C1QL1: variants seen among roughly 807,000 people sequenced by gnomAD.
C1QL1 encodes the protein C1q-related factor.
Under a neutral mutation model 14.2 loss-of-function variants are expected in C1QL1, and 15 were observed. That is an observed-to-expected ratio of 1.06 (90% CI 0.71 to 1.62). The LOEUF is 1.62. C1QL1 is among the 40% of genes most tolerant of loss of function. C1QL1 has a pLI of 0.00. For missense variants in C1QL1, 346 were observed against 380.3 expected (o/e 0.91, Z 0.75); for synonymous variants, 172 against 172.4 (o/e 1.00, Z 0.02).
In C1QL1 at chr17:44,960,417, A is replaced by G. The variant is rs760816655; in HGVS notation, c.598-50T>C. ...AGGGCGAGAGGAGAGAGAGGATGAG[A>G]AGGGAGGGAGGTGAGGCAGTCCCGT... On this transcript the variant is annotated intron_variant, in intron 1 of 1. Transcript: ENST00000253407. 2.1e-6 allele frequency: 3 copies of G among 1,414,544 alleles called. No homozygotes were observed. The Admixed American group carries it at 5.1e-5, about 24-fold the overall frequency. The allele number at this position is 1,414,544 out of a possible 1,614,324, so 87.6% of individuals were successfully genotyped here. A position where few individuals can be genotyped will look rare whatever the true frequency, so the allele number is the denominator to read the frequency against.
rs1363667731 is a variant in C1QL1 at position 44,967,429 on chromosome 17, C to G, written c.597+23G>C. ...CCTGGGTGCCCTGGGCCCAGCCCAG[C>G]CCCATGCCCCCGCCTGGCCCACCTG... On this transcript the variant is annotated intron_variant, in intron 1 of 1. Coordinates refer to ENST00000253407, the MANE Select transcript of C1QL1 (RefSeq NM_006688.5). This position sits in a 1 kb window ranked among gnomAD's most constrained non-coding sequence, Gnocchi z 7.0. 1.7e-5 allele frequency: 28 copies of G among 1,608,594 alleles called. No individual in the cohort carries two copies. Among genetic ancestry groups the G allele is most frequent in the Non-Finnish European group, 2.4e-5 (28 of 1,177,490 alleles).
Position 44,967,512 on chromosome 17 carries a change from A to G in C1QL1, c.537T>C (p.His179=), listed in dbSNP as rs910874119. The change falls in exon 1 of 2, where the codon CAT becomes CAC. Residue 179 remains histidine, a synonymous_variant. Transcript: ENST00000253407. The surrounding 1 kb of genome is among the most constrained non-coding windows in gnomAD (Gnocchi z 7.0). ...TGCCGTCGCCGCCGCGCATGAGGAC[A>G]TGGTAGGTGAAAAAGTAGGTGCCGG... ...NIPGTYFFTY[H]VLMRGGDGTS... is the part of the protein sequence containing the mutation. 7 of 1,613,816 alleles carry G rather than the reference A, an allele frequency of 4.3e-6. No individual in the cohort carries two copies. Among genetic ancestry groups the G allele is most frequent in the Non-Finnish European group, 5.9e-6 (7 of 1,179,816 alleles).
Position 44,967,135 on chromosome 17 carries a change from G to A in C1QL1, c.597+317C>T, listed in dbSNP as rs2052661173. Among the ~76,000 whole-genome samples the A allele has an allele frequency of 6.6e-6, 1 of 152,252 alleles. No individual in the cohort carries two copies. The highest frequency in any genetic ancestry group is 1.5e-5 in the Non-Finnish European group (1 of 68,040). The stretch of plus-strand genomic sequence containing the variant: ...TCGGCCCGAATCCACTTCCCAAGGG[G>A]CAAGCCCCCAAGGGCAAGTCCGTGC... On this transcript the variant is annotated intron_variant, in intron 1 of 1. Coordinates refer to ENST00000253407, the MANE Select transcript of C1QL1 (RefSeq NM_006688.5). The surrounding 1 kb of genome is among the most constrained non-coding windows in gnomAD (Gnocchi z 7.0).
intron 1 of C1QL1, among the ~76,000 whole-genome samples, chr17:44,966,272 C>G (rs80350164): frequency 0.014 from 2,111 of 152,350 alleles, 61 homozygotes; most frequent in Non-Finnish European, 0.015. Context: ...CCTGCCTGCC[C>G]CTGTCTCTGC....
chr17:44,967,730 G>T lies in C1QL1; in HGVS notation c.319C>A (p.Pro107Thr). Residue 107 changes from proline to threonine, a missense_variant, in exon 1 of 2, where the codon CCT (proline) becomes ACT (threonine). Physicochemically the swap from Pro to Thr is conservative, Grantham distance 38 (BLOSUM62 -1). Coordinates refer to ENST00000253407, the MANE Select transcript of C1QL1 (RefSeq NM_006688.5). This position sits in a 1 kb window ranked among gnomAD's most constrained non-coding sequence, Gnocchi z 7.0. ...GEKGEPGKPG[P>T]PGLPGAGGSG... ...CCCCCCGCGCCCGGCAGCCCCGGAG[G>T]GCCCGGCTTGCCTGGCTCACCCTTC... is the stretch of plus-strand genomic sequence containing the variant. The T allele has an allele frequency of 6.2e-7, 1 of 1,603,968 alleles. No individual in the cohort carries two copies.
At chr17:44,960,495 G>T (rs1382816066) in intron 1 of C1QL1, 128 bp from the exon 2 acceptor site, 6 of 652,616 alleles carry the variant, frequency 9.2e-6, no homozygotes. Flanking sequence ...CCTCATCCCT[G>T]CCACGCTCCC....
intron 1 of C1QL1, among the ~76,000 whole-genome samples, chr17:44,961,973 C>T (rs139373562): frequency 2.8e-3 from 429 of 151,098 alleles, no homozygotes; most frequent in Middle Eastern, 6.8e-3. Context: ...AGACATTCAG[C>T]TAACAGGTAT....
At position 44,960,062 on chromosome 17, in the gene C1QL1, G is replaced by T. The variant is rs1026709761; in HGVS notation, c.*126C>A. ...GTGGCCCAGGCGGTGTTGAGCACGG[G>T]CCGGGGGCGTCATAGCCGGGGAGGG... is the stretch of plus-strand genomic sequence containing the variant. On this transcript the variant is annotated 3_prime_UTR_variant, in exon 2 of 2. Coordinates refer to ENST00000253407, the MANE Select transcript of C1QL1 (RefSeq NM_006688.5). The T allele has an allele frequency of 9.4e-6, 8 of 852,610 alleles. No individual in the cohort carries two copies. The African/African-American group carries it at 1.2e-4, about 12-fold the overall frequency. 52.8% of individuals were successfully genotyped at this position (852,610 alleles called of 1,614,324 possible). A position where few individuals can be genotyped will look rare whatever the true frequency, so the allele number is the denominator to read the frequency against.
At chr17:44,964,392 C>T (rs2052645118) in intron 1 of C1QL1, among the ~76,000 whole-genome samples, 1 of 152,192 alleles carries the variant, frequency 6.6e-6, no homozygotes, top group South Asian at 2.1e-4. Flanking sequence ...AGCTGGCTTT[C>T]CCCTACACTT....
At position 44,967,453 on chromosome 17, in the gene C1QL1, T is replaced by C. The variant is rs2052662919; in HGVS notation, c.596A>G (p.Gln199Arg). ...SMWADLCKNG[Q>R]VRASAIAQDA... The stretch of plus-strand genomic sequence containing the variant: ...GCCCCATGCCCCCGCCTGGCCCACC[T>C]GGCCATTCTTGCAGAGGTCTGCCCA... Residue 199 changes from glutamine to arginine, a missense_variant and splice_region_variant, in exon 1 of 2, where the codon CAG becomes CGG. Physicochemically the swap from Gln to Arg is conservative, Grantham distance 43. Coordinates refer to ENST00000253407, the MANE Select transcript of C1QL1 (RefSeq NM_006688.5). The surrounding 1 kb of genome is among the most constrained non-coding windows in gnomAD (Gnocchi z 7.0). 6.2e-7 allele frequency: 1 copy of C among 1,613,150 alleles called. No individual in the cohort carries two copies.
At position 44,967,994 on chromosome 17, in the gene C1QL1, C is replaced by A; in HGVS notation, c.55G>T (p.Glu19Ter). 7.2e-7 allele frequency: 1 copy of A among 1,385,394 alleles called. No homozygotes were observed. Among genetic ancestry groups the A allele is most frequent in the South Asian group, 1.6e-5 (1 of 60,918 alleles). 85.8% of individuals were successfully genotyped at this position (1,385,394 alleles called of 1,614,324 possible). A position where few individuals can be genotyped will look rare whatever the true frequency, so the allele number is the denominator to read the frequency against. Residue 19 changes from glutamate (E) to a stop codon, truncating the protein, a stop_gained, in exon 1 of 2, where the codon GAA (glutamate) becomes TAA (stop). Coordinates refer to ENST00000253407, the MANE Select transcript of C1QL1 (RefSeq NM_006688.5). LOFTEE classifies it high-confidence loss of function. The surrounding 1 kb of genome is among the most constrained non-coding windows in gnomAD (Gnocchi z 7.0). The stretch of plus-strand genomic sequence containing the variant: ...GTGCCCAGCATCTCATAGTGGCCTT[C>A]CGGGCCGCCCGAGCTCACCAGCACG... ...IPVLVSSGGPEGHYEMLGTCR... is the reference protein window; with the variant it reads ...IPVLVSSGGP
intron 1 of C1QL1, among the ~76,000 whole-genome samples, chr17:44,961,802 C>T (rs1597909049): frequency 1.4e-5 from 2 of 147,886 alleles, no homozygotes; most frequent in African/African-American, 5.0e-5. Flanking sequence ...AGGAGAATGG[C>T]GTGAACCCGG....
Position 44,967,652 on chromosome 17 carries a change from A to C in C1QL1, c.397T>G (p.Tyr133Asp). ...TCGTGGGGGTTCTTGAGGCCGGCGTAGAAGGCCACGCGCGGCACCGTGGTG... is the reference window on the plus strand; with the variant it reads ...TCGTGGGGGTTCTTGAGGCCGGCGTCGAAGGCCACGCGCGGCACCGTGGTG... ...TYTTVPRVAF[Y>D]AGLKNPHEGY... Residue 133 changes from tyrosine (Y) to aspartate (D), a missense_variant, in exon 1 of 2, where the codon TAC becomes GAC. Coordinates refer to ENST00000253407, the MANE Select transcript of C1QL1 (RefSeq NM_006688.5). This position sits in a 1 kb window ranked among gnomAD's most constrained non-coding sequence, Gnocchi z 7.0. The C allele has an allele frequency of 6.2e-7, 1 of 1,613,680 alleles. No individual in the cohort carries two copies. Among genetic ancestry groups the C allele is most frequent in the Non-Finnish European group, 8.5e-7 (1 of 1,179,870 alleles).
chr17:44,967,578 G>T lies in C1QL1; in HGVS notation c.471C>A (p.Asn157Lys), dbSNP rs767558571. The change falls in exon 1 of 2, where the codon AAC becomes AAA. Residue 157 changes from asparagine to lysine, a missense_variant. By Grantham distance (94) the Asn-to-Lys change is moderately conservative (BLOSUM62 0). Coordinates refer to ENST00000253407, the MANE Select transcript of C1QL1 (RefSeq NM_006688.5). The surrounding 1 kb of genome is among the most constrained non-coding windows in gnomAD (Gnocchi z 7.0). Reference protein sequence around the residue: ...KFDDVVTNLGNNYDAASGKFT... With the variant: ...KFDDVVTNLGKNYDAASGKFT... ...ACTTGCCGCTGGCCGCGTCGTAGTT[G>T]TTGCCTAGGTTGGTGACCACGTCGT... 1.9e-6 allele frequency: 3 copies of T among 1,614,118 alleles called. No homozygotes were observed. Among genetic ancestry groups the T allele is most frequent in the South Asian group, 1.1e-5 (1 of 91,082 alleles).
Position 44,960,341 on chromosome 17 carries a change from G to A in C1QL1, c.624C>T (p.Asp208=). 5.0e-6 allele frequency: 8 copies of A among 1,613,952 alleles called. No individual in the cohort carries two copies. Among genetic ancestry groups the A allele is most frequent in the South Asian group, 1.1e-5 (1 of 91,070 alleles). The stretch of plus-strand genomic sequence containing the variant: ...TGGCGTAGTCGTAGTTCTGGTCCGC[G>A]TCCTGGGCAATAGCACTGGCCCGCA... ...GQVRASAIAQ[D]ADQNYDYASN... Residue 208 remains aspartate (D), a synonymous_variant, in exon 2 of 2, where the codon GAC becomes GAT. Transcript: ENST00000253407.
chr17:44,963,872 G>A (rs1447647122), intron 1 of C1QL1, among the ~76,000 whole-genome samples: 1 of 152,140 alleles, frequency 6.6e-6, no homozygotes, highest in African/African-American at 2.4e-5. Flanking sequence ...CTGACCACAG[G>A]CCCTGGCACA....
At position 44,967,320 on chromosome 17, in the gene C1QL1, G is replaced by A. The variant is rs760470497; in HGVS notation, c.597+132C>T. On this transcript the variant is annotated intron_variant, in intron 1 of 1. Coordinates refer to ENST00000253407, the MANE Select transcript of C1QL1 (RefSeq NM_006688.5). This position sits in a 1 kb window ranked among gnomAD's most constrained non-coding sequence, Gnocchi z 7.0. ...CCATCCCCACACGTGATGACCAAGC[G>A]GGGCCGCTGTGGGGTGGGATCTCCA... 51 of 947,642 alleles carry A rather than the reference G, an allele frequency of 5.4e-5. No homozygotes were observed. The highest frequency in any genetic ancestry group is 7.9e-5 in the Non-Finnish European group (50 of 632,682). 58.7% of individuals were successfully genotyped at this position (947,642 alleles called of 1,614,324 possible). A position where few individuals can be genotyped will look rare whatever the true frequency, so the allele number is the denominator to read the frequency against.
In C1QL1 at chr17:44,967,723, C is replaced by T. The variant is rs199770496; in HGVS notation, c.326G>A (p.Gly109Glu). 283 of 1,605,900 alleles carry T rather than the reference C, an allele frequency of 1.8e-4. No homozygotes were observed. Among genetic ancestry groups the T allele is most frequent in the Non-Finnish European group, 2.4e-4 (279 of 1,177,762 alleles). Residue 109 changes from glycine to glutamate, a missense_variant, in exon 1 of 2, where the codon GGG becomes GAG. Transcript: ENST00000253407. The surrounding 1 kb of genome is among the most constrained non-coding windows in gnomAD (Gnocchi z 7.0). ...KGEPGKPGPP[G>E]LPGAGGSGAI... is the part of the protein sequence containing the mutation. ...GCCGCTGCCCCCCGCGCCCGGCAGC[C>T]CCGGAGGGCCCGGCTTGCCTGGCTC...
At chr17:44,961,266 G>A (rs1238332156) in intron 1 of C1QL1, among the ~76,000 whole-genome samples, 1 of 152,182 alleles carries the variant, frequency 6.6e-6, no homozygotes, top group East Asian at 1.9e-4. Context: ...GGAGCCTGCC[G>A]TCACTTTTGG....
Sources: gnomAD v4.1 joint callset for allele counts (sites outside exome capture counted in the v4.1 genomes callset) on GRCh38, gnomAD v4.1.1 for gene constraint, Gnocchi (gnomAD v3.1) non-coding constraint, MANE v1.5 for transcripts, NCBI Gene and HGNC (gene_info 2026-07-23, HGNC 2026-07-21) for gene names.